TLE4: variants seen among roughly 807,000 people sequenced by gnomAD.
The protein encoded by TLE4 is transducin-like enhancer protein 4.
In TLE4, 8 loss-of-function variants were observed where a neutral mutation model predicts 92.8. The ratio of observed to expected loss-of-function variants is 0.09; its 90% CI spans 0.05 to 0.16. TLE4 has a LOEUF of 0.16. TLE4 is among the 10% of genes least tolerant of loss of function. The pLI is 1.00. For synonymous variants in TLE4, 371 were observed against 374.1 expected, an observed-to-expected ratio of 0.99 and a Z score of 0.10; for missense variants, 675 against 997.6, an observed-to-expected ratio of 0.68 and a Z score of 4.36.
At chr9:79,724,641 C>T (rs1328313736) in intron 19 of TLE4, among the ~76,000 whole-genome samples, 1 of 151,708 alleles carries the variant, frequency 6.6e-6, no homozygotes, top group Non-Finnish European at 1.5e-5. Context: ...CCCAGGAGTT[C>T]GAGACCAGCC....
chr9:79,704,211 T>C (rs1005599305), intron 8 of TLE4, among the ~76,000 whole-genome samples: 4 of 152,090 alleles, frequency 2.6e-5, no homozygotes, highest in African/African-American at 9.7e-5. Context: ...CCTCCCGGGT[T>C]CAAGCAGTTC....
intron 6 of TLE4, among the ~76,000 whole-genome samples, chr9:79,634,411 AT>A (rs1228875983): frequency 6.6e-6 from 1 of 152,284 alleles, no homozygotes; most frequent in African/African-American, 2.4e-5. Context: ...ACGGATTTGT[AT>A]TTTTTTATAT....
chr9:79,691,927 A>G (rs1460438218), intron 8 of TLE4, among the ~76,000 whole-genome samples: 1 of 152,172 alleles, frequency 6.6e-6, no homozygotes, highest in Non-Finnish European at 1.5e-5. Context: ...AACTAGAACC[A>G]GTGCTCTGTG....
At chr9:79,624,111 TAAG>T (rs2133422972) in intron 5 of TLE4, among the ~76,000 whole-genome samples, 1 of 149,294 alleles carries the variant, frequency 6.7e-6, no homozygotes, top group African/African-American at 2.5e-5. Flanking sequence ...CTCATAGTTC[TAAG>T]AAGATGTGAA....
intron 6 of TLE4, among the ~76,000 whole-genome samples, chr9:79,633,230 G>A (rs1425294525): frequency 1.3e-5 from 2 of 152,058 alleles, no homozygotes; most frequent in South Asian, 2.1e-4. Flanking sequence ...CTTCAGAGAC[G>A]CCCAAAAACC....
chr9:79,578,616 C>G lies in TLE4; in HGVS notation c.252+2439C>G, dbSNP rs181605147. On this transcript the variant is annotated intron_variant, in intron 4 of 19. Transcript: ENST00000376552. ...CATCATCAGTCCCCCTGTGTTGATT[C>G]TGATAGAGAACTATAAAATGAAACC... Among the ~76,000 whole-genome samples, 396 of 152,158 alleles carry G rather than the reference C, an allele frequency of 2.6e-3. 2 individuals are homozygous for G. The highest frequency in any genetic ancestry group is 4.7e-3 in the Non-Finnish European group (320 of 67,994).
intron 8 of TLE4, among the ~76,000 whole-genome samples, chr9:79,675,330 GTACCTTAGT>G (rs1390739321): frequency 3.3e-5 from 5 of 152,034 alleles, no homozygotes; most frequent in Admixed American, 6.6e-5. Context: ...GGACATCTTA[GTACCTTAGT>G]TGGGTGGCAG....
chr9:79,636,190 T>A (rs2055768335), intron 6 of TLE4, among the ~76,000 whole-genome samples: 1 of 152,090 alleles, frequency 6.6e-6, no homozygotes. Context: ...TCTATATATA[T>A]GAGACTATAT....
In TLE4 at chr9:79,666,193, GT is replaced by G. The variant is rs1564759477; in HGVS notation, c.609+12119del. ...TGTGTGTGTGTGTGTGTGTGTGTGT[GT>G]GTGGGTGGGGTTTTTTTTTTTTGTT... On this transcript the variant is annotated intron_variant, in intron 8 of 19. Transcript: ENST00000376552. Among the ~76,000 whole-genome samples, 129 of 144,536 alleles carry G rather than the reference GT, an allele frequency of 8.9e-4. 1 individual carries two copies. Among genetic ancestry groups the G allele is most frequent in the East Asian group, 1.8e-3 (9 of 4,902 alleles). 94.8% of individuals were successfully genotyped at this position (144,536 alleles called of 152,430 possible). A position where few individuals can be genotyped will look rare whatever the true frequency, so the allele number is the denominator to read the frequency against.
chr9:79,581,093 G>C (rs1245354233), intron 4 of TLE4, among the ~76,000 whole-genome samples: 1 of 152,222 alleles, frequency 6.6e-6, no homozygotes, highest in Non-Finnish European at 1.5e-5. Context: ...TGTTAACGGA[G>C]TGAAGGGTAT....
At chr9:79,662,739 A>T (rs1330986976) in intron 8 of TLE4, among the ~76,000 whole-genome samples, 2 of 152,166 alleles carry the variant, frequency 1.3e-5, no homozygotes, top group African/African-American at 4.8e-5. Flanking sequence ...GGTTCCTGTC[A>T]GTCAGGAAAC....
intron 8 of TLE4, among the ~76,000 whole-genome samples, chr9:79,654,674 G>C (rs897535213): frequency 1.1e-4 from 17 of 152,140 alleles, no homozygotes; most frequent in African/African-American, 4.1e-4. Context: ...TGTAGGGAAA[G>C]AGGAAAAGTA....
chr9:79,602,742 G>T (rs1162531975), intron 4 of TLE4, among the ~76,000 whole-genome samples: 1 of 152,132 alleles, frequency 6.6e-6, no homozygotes, highest in Non-Finnish European at 1.5e-5. Context: ...CGTGGATCAA[G>T]GAGTAATTTC....
chr9:79,662,911 C>T (rs1329078488), intron 8 of TLE4, among the ~76,000 whole-genome samples: 1 of 152,112 alleles, frequency 6.6e-6, no homozygotes, highest in African/African-American at 2.4e-5. Flanking sequence ...TATTTTTCTC[C>T]TCTTCATTCC....
chr9:79,609,061 AG>A (rs1156880560), intron 4 of TLE4, among the ~76,000 whole-genome samples: 2 of 152,120 alleles, frequency 1.3e-5, no homozygotes, highest in Non-Finnish European at 2.9e-5. Flanking sequence ...TGTGTGCGTT[AG>A]TATTTGTTAC....
chr9:79,714,901 A>G (rs2074166832), intron 14 of TLE4, among the ~76,000 whole-genome samples: 1 of 152,178 alleles, frequency 6.6e-6, no homozygotes, highest in Admixed American at 6.5e-5. Context: ...TTCCAGGAGT[A>G]TTTGCTAGTT....
Position 79,718,770 on chromosome 9 carries a change from T to C in TLE4, c.1389T>C (p.Pro463=), listed in dbSNP as rs1036791374. Residue 463 remains proline, a synonymous_variant, in exon 15 of 20, where the codon CCT becomes CCC. Transcript: ENST00000376552. The part of the protein sequence containing the change: ...VSADGQMQPV[P]FPPDALIGPG... ...CAGATGGTCAGATGCAGCCTGTCCC[T>C]TTTCCACCCGACGCCCTCATCGGAC... 1 of 1,614,116 alleles carries C rather than the reference T, an allele frequency of 6.2e-7. No homozygotes were observed. Among genetic ancestry groups the C allele is most frequent in the Admixed American group, 1.7e-5 (1 of 60,016 alleles).
At chr9:79,639,690 C>CA (rs973662981) in intron 6 of TLE4, among the ~76,000 whole-genome samples, 16 of 152,086 alleles carry the variant, frequency 1.1e-4, no homozygotes, top group African/African-American at 3.9e-4. Context: ...CATTTTGACA[C>CA]AATTGCCTAC....
At position 79,725,096 on chromosome 9, in the gene TLE4, C is replaced by T. The variant is rs1383225248; in HGVS notation, c.2274C>T (p.Val758=). 3 of 1,613,828 alleles carry T rather than the reference C, an allele frequency of 1.9e-6. No homozygotes were observed. Among genetic ancestry groups the T allele is most frequent in the Non-Finnish European group, 2.5e-6 (3 of 1,179,936 alleles). ...CDISVDDKYI[V]TGSGDKKATV... is the part of the protein sequence containing the mutation. Reference sequence around the variant, plus strand: ...TCTCCGTGGACGACAAATACATTGTCACTGGCTCTGGGGATAAGAAGGCCA... The same window carrying T: ...TCTCCGTGGACGACAAATACATTGTTACTGGCTCTGGGGATAAGAAGGCCA... The change falls in exon 20 of 20, where the codon GTC becomes GTT. Residue 758 remains valine (V), a synonymous_variant. Coordinates refer to ENST00000376552, the MANE Select transcript of TLE4 (RefSeq NM_007005.6).
Sources: allele counts gnomAD v4.1 joint callset (sites outside exome capture counted in the v4.1 genomes callset), GRCh38; gene constraint gnomAD v4.1.1; transcripts MANE v1.5; gene names NCBI Gene and HGNC (gene_info 2026-07-23, HGNC 2026-07-21).